The following ADGRV1 variants were observed in gnomAD, a reference collection of about 807,000 sequenced individuals.
ADGRV1 encodes G-protein coupled receptor 98.
ADGRV1 carries 359 observed loss-of-function variants against 596.2 expected under a neutral mutation model. That is an observed-to-expected ratio of 0.60 (90% confidence interval 0.55 to 0.66). ADGRV1 has a LOEUF of 0.66. ADGRV1 is among the 30% of genes least tolerant of loss of function. The probability of loss-of-function intolerance (pLI) is 0.00; values close to 1 mark genes in which losing one functional copy is unlikely to be tolerated. For missense variants in ADGRV1, 7,274 were observed against 7,575.6 expected (o/e 0.96, Z 1.48); for synonymous variants, 2,681 against 2,679.2 (o/e 1.00, Z -0.02).
At chr5:91,127,022 A>G (rs184965478) in intron 87 of ADGRV1, among the ~76,000 whole-genome samples, 2 of 152,332 alleles carry the variant, frequency 1.3e-5, no homozygotes, top group East Asian at 3.9e-4. Context: ...CGGTAACCAA[A>G]TAATACACAA....
chr5:91,082,228 T>G (rs1789449674), intron 86 of ADGRV1, among the ~76,000 whole-genome samples: 1 of 152,220 alleles, frequency 6.6e-6, no homozygotes, highest in African/African-American at 2.4e-5. Flanking sequence ...AATGAAACAT[T>G]CCCATTGTTT....
In ADGRV1 at chr5:90,683,836, G is replaced by A. The variant is rs1166453417; in HGVS notation, c.5915G>A (p.Ser1972Asn). The A allele has an allele frequency of 6.2e-7, 1 of 1,613,652 alleles. No individual in the cohort carries two copies. Among genetic ancestry groups the A allele is most frequent in the Non-Finnish European group, 8.5e-7 (1 of 1,179,848 alleles). Residue 1972 changes from serine to asparagine, a missense_variant, in exon 28 of 90, where the codon AGT becomes AAT. Ser to Asn is a conservative substitution (Grantham distance 46). This residue lies in a region of ADGRV1 where 3,643 missense variants were observed against 3,809.2 expected (regional missense o/e 0.96). Coordinates refer to ENST00000405460, the MANE Select transcript of ADGRV1 (RefSeq NM_032119.4). Reference protein sequence around the residue: ...HINATLTVLASDDPYGIFIFS... With the variant: ...HINATLTVLANDDPYGIFIFS... The stretch of plus-strand genomic sequence containing the variant: ...AATGCCACGTTAACAGTTTTGGCTA[G>A]TGATGATCCATATGGGATATTCATT...
intron 59 of ADGRV1, among the ~76,000 whole-genome samples, chr5:90,767,077 A>G (rs578146596): frequency 6.6e-6 from 1 of 152,344 alleles, no homozygotes; most frequent in African/African-American, 2.4e-5. Context: ...CAATCTGATT[A>G]TAAAATATAC....
chr5:91,074,162 A>G (rs1788640209), intron 86 of ADGRV1, among the ~76,000 whole-genome samples: 1 of 152,036 alleles, frequency 6.6e-6, no homozygotes, highest in Non-Finnish European at 1.5e-5. Flanking sequence ...TAAAAATGTA[A>G]CTTCTTTCTT....
intron 84 of ADGRV1, among the ~76,000 whole-genome samples, chr5:90,972,133 A>G (rs1779094837): frequency 6.6e-6 from 1 of 152,236 alleles, no homozygotes; most frequent in Admixed American, 6.5e-5. Context: ...AAAGGGATCA[A>G]TTCAACAAGA....
chr5:90,829,165 GTC>G lies in ADGRV1; in HGVS notation c.16592_16593del (p.Ser5531CysfsTer2). On this transcript the variant is annotated frameshift_variant, in exon 77 of 90. Coordinates refer to ENST00000405460, the MANE Select transcript of ADGRV1 (RefSeq NM_032119.4). LOFTEE classifies it high-confidence loss of function. ...GAGATTCTGGGACAGGACTAATGAT[GTC>G]TGTTAACTTTAGTACCCAGGTAAGC... ...ARDSGTGLMM[S>X]VNFSTQELRS... 1 of 1,558,922 alleles carries G rather than the reference GTC, an allele frequency of 6.4e-7. No homozygotes were observed. The highest frequency in any genetic ancestry group is 1.7e-4 in the Middle Eastern group (1 of 5,822).
intron 21 of ADGRV1, among the ~76,000 whole-genome samples, chr5:90,667,868 C>A (rs955056709): frequency 4.6e-5 from 7 of 151,838 alleles, no homozygotes; most frequent in Non-Finnish European, 7.4e-5. Flanking sequence ...AGTACCCTGC[C>A]GTGTGAGGTG....
chr5:91,065,332 A>G (rs1243023775), intron 85 of ADGRV1, among the ~76,000 whole-genome samples: 2 of 152,224 alleles, frequency 1.3e-5, no homozygotes, highest in African/African-American at 4.8e-5. Flanking sequence ...TCCTTGTCTT[A>G]GAAGTACTCA....
intron 1 of ADGRV1, among the ~76,000 whole-genome samples, chr5:90,569,793 AT>A (rs1756285115): frequency 6.6e-6 from 1 of 151,996 alleles, no homozygotes; most frequent in African/African-American, 2.4e-5. Flanking sequence ...TCTAGCTCAG[AT>A]TAATAACAAC....
At chr5:90,753,872 C>T in intron 54 of ADGRV1, 43 bp downstream of exon 54, 1 of 1,487,890 alleles carries the variant, frequency 6.7e-7, no homozygotes, top group Non-Finnish European at 9.0e-7. Context: ...TGAGAAGCTT[C>T]ATTGGATAAT....
intron 84 of ADGRV1, among the ~76,000 whole-genome samples, chr5:90,978,154 G>T (rs1389400119): frequency 6.6e-6 from 1 of 151,942 alleles, no homozygotes; most frequent in Non-Finnish European, 1.5e-5. Flanking sequence ...AATTAGCCAG[G>T]CATGGTGGCA....
At chr5:90,729,613 A>T (rs1752269524) in intron 49 of ADGRV1, 29 bp from the exon 50 acceptor site, 1 of 1,547,646 alleles carries the variant, frequency 6.5e-7, no homozygotes, top group Non-Finnish European at 8.8e-7. Context: ...CTTTTGCATT[A>T]AGATTTGACT....
chr5:90,809,967 A>G (rs778846369), intron 73 of ADGRV1, among the ~76,000 whole-genome samples: 9 of 152,220 alleles, frequency 5.9e-5, no homozygotes, highest in African/African-American at 1.2e-4. Context: ...CTGCTCTGGG[A>G]TGATGGAGAA....
In ADGRV1 at chr5:90,581,919, C is replaced by G. The variant is rs551013104; in HGVS notation, c.22+23002C>G. Among the ~76,000 whole-genome samples, 17 of 152,248 alleles carry G rather than the reference C, an allele frequency of 1.1e-4. No individual in the cohort carries two copies. The South Asian group carries it at 3.5e-3, about 32-fold the overall frequency. ...TTAGTTTCAAATAATTTTTACATTT[C>G]TATTTTAATTTCAATGTTCACCCAG... On this transcript the variant is annotated intron_variant, in intron 1 of 89. Coordinates refer to ENST00000405460, the MANE Select transcript of ADGRV1 (RefSeq NM_032119.4).
chr5:90,631,499 C>T (rs541273040), intron 9 of ADGRV1, among the ~76,000 whole-genome samples: 89 of 151,610 alleles, frequency 5.9e-4, no homozygotes, highest in Middle Eastern at 3.4e-3. Flanking sequence ...GCCATCTTCC[C>T]CAGAGCCCTA....
intron 85 of ADGRV1, among the ~76,000 whole-genome samples, chr5:91,055,421 A>C (rs1786754264): frequency 6.6e-6 from 1 of 152,162 alleles, no homozygotes. Flanking sequence ...GCTGTCCTTT[A>C]CTGACTCCTT....
chr5:91,026,573 T>C (rs1784032763), intron 85 of ADGRV1, among the ~76,000 whole-genome samples: 2 of 152,102 alleles, frequency 1.3e-5, no homozygotes, highest in African/African-American at 4.8e-5. Context: ...ATTTCAGTTA[T>C]GGAGGGAAAG....
At chr5:90,565,601 A>G (rs1405674507) in intron 1 of ADGRV1, among the ~76,000 whole-genome samples, 1 of 152,176 alleles carries the variant, frequency 6.6e-6, no homozygotes, top group East Asian at 1.9e-4. Context: ...GGGTGTTTGC[A>G]TTGGTTTTAC....
intron 87 of ADGRV1, among the ~76,000 whole-genome samples, chr5:91,145,211 CA>C (rs1253513089): frequency 6.6e-6 from 1 of 152,150 alleles, no homozygotes; most frequent in Non-Finnish European, 1.5e-5. Context: ...AAAAAACATG[CA>C]GCTTTCACAT....
Sources: allele counts gnomAD v4.1 joint callset (sites outside exome capture counted in the v4.1 genomes callset), GRCh38; gene constraint gnomAD v4.1.1; regional missense constraint gnomAD v4.1.1; transcripts MANE v1.5; gene names NCBI Gene and HGNC (gene_info 2026-07-23, HGNC 2026-07-21).